Variants in IFT140 observed in about 807,000 individuals in gnomAD.
The protein encoded by IFT140 is intraflagellar transport 140.
A neutral mutation model predicts 164.6 loss-of-function variants in IFT140; 133 were observed. That is an observed-to-expected ratio of 0.81 (90% CI 0.70 to 0.93). IFT140 has a LOEUF of 0.93. Ranked by LOEUF, IFT140 falls within the 40% of genes least tolerant of loss-of-function variation. The pLI, the probability that IFT140 is intolerant of heterozygous loss-of-function variation, is 0.00. For missense variants in IFT140, 2,045 were observed against 1,972.3 expected (o/e 1.04, Z -0.70); for synonymous variants, 860 against 817.3 (o/e 1.05, Z -0.89).
intron 3 of IFT140, among the ~76,000 whole-genome samples, chr16:1,605,925 A>C (rs2036037151): frequency 6.6e-6 from 1 of 152,198 alleles, no homozygotes; most frequent in East Asian, 1.9e-4. Context: ...CCCTAGTTAC[A>C]TATGCCTGAT....
chr16:1,611,513 AAAAG>A (rs1350454227), intron 1 of IFT140, among the ~76,000 whole-genome samples: 4 of 146,912 alleles, frequency 2.7e-5, no homozygotes, highest in Admixed American at 1.4e-4. Flanking sequence ...AAAGAAAAGA[AAAAG>A]AAACACTGGA....
At position 1,524,585 on chromosome 16, in the gene IFT140, T is replaced by G. The variant is rs543152257; in HGVS notation, c.3108A>C (p.Ala1036=). 4 of 1,611,246 alleles carry G rather than the reference T, an allele frequency of 2.5e-6. No individual in the cohort carries two copies. The South Asian group carries it at 3.3e-5, about 13-fold the overall frequency. Residue 1036 remains alanine (A), a synonymous_variant, in exon 24 of 31, where the codon GCA becomes GCC. Coordinates refer to ENST00000426508, the MANE Select transcript of IFT140 (RefSeq NM_014714.4). ...GGCGGATGGCATTCTTGAAGGCCTG[T>G]GCCCGGGTGTAGAAGTGCACCGCCT... ...VGQAVHFYTR[A]QAFKNAIRLC...
In IFT140 at chr16:1,592,168, T is replaced by C. The variant is rs757928467; in HGVS notation, c.634+8A>G. 1.2e-6 allele frequency: 2 copies of C among 1,613,708 alleles called. No homozygotes were observed. Among genetic ancestry groups the C allele is most frequent in the African/African-American group, 2.7e-5 (2 of 74,968 alleles). On this transcript the variant is annotated splice_region_variant and intron_variant, in intron 6 of 30. Transcript: ENST00000426508. ...GGACCCCTGAGAATCACAACCAAAG[T>C]TCCTCACCGTCCATCAGACTGACAA...
At chr16:1,548,766 A>T (rs1049059411) in intron 19 of IFT140, among the ~76,000 whole-genome samples, 1 of 152,212 alleles carries the variant, frequency 6.6e-6, no homozygotes, top group African/African-American at 2.4e-5. Flanking sequence ...TCAGAACGGC[A>T]TCCACAGCGC....
chr16:1,513,061 G>C (rs1266534434), intron 30 of IFT140: 1 of 152,228 alleles, frequency 6.6e-6, no homozygotes, highest in African/African-American at 2.4e-5. Context: ...TCGATACTCA[G>C]TTTGTGAGTC....
chr16:1,548,061 C>T (rs559924919), intron 19 of IFT140, among the ~76,000 whole-genome samples: 4 of 152,362 alleles, frequency 2.6e-5, no homozygotes, highest in Admixed American at 2.6e-4. Flanking sequence ...TCCCTTCCAA[C>T]TTTGGCTGTT....
intron 6 of IFT140, among the ~76,000 whole-genome samples, chr16:1,590,955 G>C (rs2035147003): frequency 6.6e-6 from 1 of 152,084 alleles, no homozygotes; most frequent in African/African-American, 2.4e-5. Context: ...AAGAGTTCAG[G>C]ATCACCTAGA....
At chr16:1,566,375 C>A in intron 15 of IFT140, 84 bp from the exon 16 acceptor site, 4 of 1,388,974 alleles carry the variant, frequency 2.9e-6, no homozygotes, top group Non-Finnish European at 4.0e-6. Flanking sequence ...TGACACAGCA[C>A]ATGTCAAGAG....
chr16:1,587,413 G>A, intron 8 of IFT140, 109 bp from the exon 9 acceptor site: 1 of 699,686 alleles, frequency 1.4e-6, no homozygotes, highest in Non-Finnish European at 2.5e-6. Context: ...AAAAGACATA[G>A]TTCATCAGAC....
intron 13 of IFT140, 44 bp from the exon 14 acceptor site, chr16:1,571,578 C>T: frequency 1.9e-6 from 3 of 1,581,166 alleles, no homozygotes; most frequent in Non-Finnish European, 2.6e-6. Flanking sequence ...ATGTTAGTTA[C>T]TGAACATTGT....
At position 1,568,244 on chromosome 16, in the gene IFT140, C is replaced by G; in HGVS notation, c.1743G>C (p.Gly581=). The G allele has an allele frequency of 6.2e-7, 1 of 1,608,904 alleles. No homozygotes were observed. The part of the protein sequence containing the change: ...GIASLRCSSS[G]STISILPSKA... ...TGCTGGGGAGGATGCTGATGGTGCT[C>G]CCGCTGCTGCTGCACCGCAGAGAAG... The change falls in exon 15 of 31, where the codon GGG becomes GGC. Residue 581 remains glycine (G), a synonymous_variant. Coordinates refer to ENST00000426508, the MANE Select transcript of IFT140 (RefSeq NM_014714.4).
intron 3 of IFT140, among the ~76,000 whole-genome samples, chr16:1,604,711 G>A (rs1370762763): frequency 6.6e-6 from 1 of 152,172 alleles, no homozygotes; most frequent in Non-Finnish European, 1.5e-5. Context: ...AGGAGAGGGG[G>A]ATGGGAACCT....
chr16:1,543,332 C>G (rs1252672878), intron 19 of IFT140, among the ~76,000 whole-genome samples: 1 of 152,230 alleles, frequency 6.6e-6, no homozygotes, highest in African/African-American at 2.4e-5. Context: ...AATACAATTT[C>G]CAGAAGGAGG....
In IFT140 at chr16:1,589,609, A is replaced by G. The variant is rs756326254; in HGVS notation, c.806T>C (p.Met269Thr). Residue 269 changes from methionine to threonine, a missense_variant, in exon 7 of 31, where the codon ATG becomes ACG. Coordinates refer to ENST00000426508, the MANE Select transcript of IFT140 (RefSeq NM_014714.4). ...CCCAAGCCCACTCCCACTCACCTTC[A>G]TCACTTCTTCTGCTTTGCCCTCAGG... The part of the protein sequence containing the change: ...VPPEGKAEEV[M>T]KVKLSGKTGR... The G allele has an allele frequency of 5.6e-6, 9 of 1,613,748 alleles. No homozygotes were observed. Among genetic ancestry groups the G allele is most frequent in the Non-Finnish European group, 6.8e-6 (8 of 1,179,692 alleles).
intron 29 of IFT140, among the ~76,000 whole-genome samples, chr16:1,518,833 G>C (rs903443910): frequency 3.9e-5 from 6 of 152,050 alleles, no homozygotes; most frequent in Non-Finnish European, 8.8e-5. Context: ...CTGTGAGCTG[G>C]GGTGACACCA....
chr16:1,511,256 C>T (rs2040139378), intron 30 of IFT140, 106 bp from the exon 31 acceptor site: 1 of 1,052,832 alleles, frequency 9.5e-7, no homozygotes, highest in African/African-American at 1.6e-5. Flanking sequence ...GGTGGGGGTG[C>T]CTCCGCGCTG....
intron 17 of IFT140, among the ~76,000 whole-genome samples, chr16:1,562,552 T>C (rs1229037570): frequency 6.6e-6 from 1 of 152,104 alleles, no homozygotes; most frequent in Non-Finnish European, 1.5e-5. Flanking sequence ...GGTGGGCGGA[T>C]CACGAGGTCA....
chr16:1,602,552 G>A lies in IFT140; in HGVS notation c.187C>T (p.Arg63Trp), dbSNP rs377484899. The A allele has an allele frequency of 1.1e-5, 17 of 1,613,650 alleles. No individual in the cohort carries two copies. The East Asian group carries it at 1.3e-4, about 13-fold the overall frequency. The change falls in exon 4 of 31, where the codon CGG (arginine) becomes TGG (tryptophan). Residue 63 changes from arginine (R) to tryptophan (W), a missense_variant. By Grantham distance (101) the Arg-to-Trp change is moderately radical (BLOSUM62 -3). Coordinates refer to ENST00000426508, the MANE Select transcript of IFT140 (RefSeq NM_014714.4). ...GGGTGCCAGCACAGGGAAGCAACCC[G>A]GAACGGCCTCTCGACGTGTGTATCT... ...VPDTHVERPF[R>W]VASLCWHPTR...
chr16:1,521,131 A>T (rs1473416431), intron 26 of IFT140, among the ~76,000 whole-genome samples: 3 of 152,172 alleles, frequency 2.0e-5, no homozygotes, highest in Non-Finnish European at 4.4e-5. Context: ...TTTAAAGTTA[A>T]ATTTTTGAGA....
Sources: gnomAD v4.1 joint callset for allele counts (sites outside exome capture counted in the v4.1 genomes callset) on GRCh38, gnomAD v4.1.1 for gene constraint, MANE v1.5 for transcripts, NCBI Gene and HGNC (gene_info 2026-07-23, HGNC 2026-07-21) for gene names.